The following GRID2 variants were observed in gnomAD, a reference collection of about 807,000 sequenced individuals.
GRID2 encodes the protein glutamate receptor ionotropic, delta-2.
In GRID2, 33 loss-of-function variants were observed where a neutral mutation model predicts 114.8. The ratio of observed to expected loss-of-function variants is 0.29; its 90% confidence interval spans 0.22 to 0.38. The LOEUF (loss-of-function observed/expected upper bound fraction) is 0.38, where lower values mean the gene tolerates loss of function less well. Ranked by LOEUF, GRID2 falls within the 10% of genes least tolerant of loss-of-function variation. The pLI is 1.00. For missense variants in GRID2, 1,184 were observed against 1,257.7 expected (o/e 0.94, Z 0.89); for synonymous variants, 505 against 449.9 (o/e 1.12, Z -1.55).
At chr4:93,801,358 G>A (rs554244625) in intron 1 of GRID2, among the ~76,000 whole-genome samples, 25 of 152,134 alleles carry the variant, frequency 1.6e-4, no homozygotes, top group African/African-American at 5.8e-4. Flanking sequence ...GTTTGTGTAT[G>A]TGTAAACAAA....
chr4:92,794,514 C>T (rs1578200356), intron 2 of GRID2, among the ~76,000 whole-genome samples: 1 of 151,932 alleles, frequency 6.6e-6, no homozygotes, highest in East Asian at 2.0e-4. Context: ...TGGTTTCTCA[C>T]TTAAAATCAT....
At chr4:92,712,922 G>A (rs185414619) in intron 2 of GRID2, among the ~76,000 whole-genome samples, 102 of 152,056 alleles carry the variant, frequency 6.7e-4, no homozygotes, top group African/African-American at 2.4e-3. Context: ...ATAGAGGAAT[G>A]TTGAAAGTTC....
intron 2 of GRID2, among the ~76,000 whole-genome samples, chr4:92,678,635 T>G (rs944878795): frequency 2.0e-5 from 3 of 151,182 alleles, no homozygotes; most frequent in Non-Finnish European, 4.4e-5. Context: ...TAAAATAAAT[T>G]GATGAGCACC....
intron 14 of GRID2, among the ~76,000 whole-genome samples, chr4:93,699,346 T>A (rs1727309503): frequency 6.6e-6 from 1 of 151,940 alleles, no homozygotes; most frequent in Non-Finnish European, 1.5e-5. Flanking sequence ...AAAATATAAA[T>A]AGCCATAAAA....
At chr4:92,756,352 A>T (rs1370189642) in intron 2 of GRID2, among the ~76,000 whole-genome samples, 1 of 152,136 alleles carries the variant, frequency 6.6e-6, no homozygotes, top group African/African-American at 2.4e-5. Context: ...CTTGACGGAC[A>T]CTTAGTTTGA....
At chr4:92,841,976 C>T (rs1354272139) in intron 2 of GRID2, among the ~76,000 whole-genome samples, 2 of 152,040 alleles carry the variant, frequency 1.3e-5, no homozygotes, top group African/African-American at 4.8e-5. Flanking sequence ...GGCTCCTTAA[C>T]TGGCCTTAAT....
At chr4:92,356,017 ATCCAT>A (rs1448590860) in intron 1 of GRID2, among the ~76,000 whole-genome samples, 15 of 151,954 alleles carry the variant, frequency 9.9e-5, no homozygotes, top group African/African-American at 3.4e-4. Flanking sequence ...CATTTCATTC[ATCCAT>A]TCATTCATTC....
At chr4:93,322,478 G>C (rs922802304) in intron 8 of GRID2, among the ~76,000 whole-genome samples, 1 of 152,030 alleles carries the variant, frequency 6.6e-6, no homozygotes. Flanking sequence ...CCAAGTCTTT[G>C]GTATTGTGAA....
intron 8 of GRID2, among the ~76,000 whole-genome samples, chr4:93,304,740 G>A (rs1388491447): frequency 6.6e-6 from 1 of 152,094 alleles, no homozygotes; most frequent in African/African-American, 2.4e-5. Flanking sequence ...ATTGCTTTGT[G>A]TGTAATAGGT....
intron 1 of GRID2, among the ~76,000 whole-genome samples, chr4:92,483,252 C>T (rs373450808): frequency 1.2e-4 from 18 of 152,150 alleles, no homozygotes; most frequent in African/African-American, 4.1e-4. Context: ...GCAAGAGAAT[C>T]GCTTGAATCT....
At chr4:92,318,304 ATATATTTT>A (rs993843768) in intron 1 of GRID2, among the ~76,000 whole-genome samples, 13 of 131,196 alleles carry the variant, frequency 9.9e-5, no homozygotes, top group African/African-American at 3.4e-4. Context: ...ATATATATAT[ATATATTTT>A]TTTTTTTTTT....
At chr4:92,943,378 T>G (rs1451551142) in intron 2 of GRID2, among the ~76,000 whole-genome samples, 2 of 152,348 alleles carry the variant, frequency 1.3e-5, no homozygotes, top group African/African-American at 4.8e-5. Context: ...CGTCGGCTAC[T>G]GAGGCTTGTG....
chr4:93,029,065 T>C (rs1724146608), intron 2 of GRID2, among the ~76,000 whole-genome samples: 1 of 152,126 alleles, frequency 6.6e-6, no homozygotes, highest in South Asian at 2.1e-4. Context: ...TTCATAAATA[T>C]CACATCCTGA....
At chr4:92,787,454 A>G (rs1079758) in intron 2 of GRID2, among the ~76,000 whole-genome samples, 5,041 of 151,890 alleles carry the variant, frequency 0.033, 142 homozygotes, top group East Asian at 0.12. Flanking sequence ...GAGGTAGGGA[A>G]TTATCCATAT....
At chr4:93,741,691 G>A (rs1273205207) in intron 14 of GRID2, among the ~76,000 whole-genome samples, 1 of 152,160 alleles carries the variant, frequency 6.6e-6, no homozygotes, top group East Asian at 1.9e-4. Flanking sequence ...AACTTGGGAG[G>A]CCGAGGCGGG....
intron 1 of GRID2, among the ~76,000 whole-genome samples, chr4:92,498,070 A>C (rs1167528020): frequency 1.3e-5 from 2 of 151,904 alleles, no homozygotes; most frequent in Non-Finnish European, 2.9e-5. Context: ...AAATAAAATG[A>C]GATATATAGA....
intron 2 of GRID2, among the ~76,000 whole-genome samples, chr4:92,928,841 T>C: frequency 1.3e-5 from 2 of 151,620 alleles, no homozygotes; most frequent in East Asian, 3.9e-4. Context: ...TGTATAGTCA[T>C]TCACAGAGCA....
chr4:92,637,061 A>C (rs2149250398), intron 2 of GRID2, among the ~76,000 whole-genome samples: 1 of 152,028 alleles, frequency 6.6e-6, no homozygotes, highest in Admixed American at 6.6e-5. Flanking sequence ...GGTAAATTTA[A>C]ATATAATGTA....
intron 14 of GRID2, among the ~76,000 whole-genome samples, chr4:93,679,271 C>T (rs560105307): frequency 3.5e-4 from 53 of 151,182 alleles, no homozygotes; most frequent in Middle Eastern, 6.8e-3. Flanking sequence ...CACCCAGATT[C>T]GTAAAGCAAG....
Sources: gnomAD v4.1 joint callset for allele counts (sites outside exome capture counted in the v4.1 genomes callset) on GRCh38, gnomAD v4.1.1 for gene constraint, MANE v1.5 for transcripts, NCBI Gene and HGNC (gene_info 2026-07-23, HGNC 2026-07-21) for gene names.